The following BNC2 variants were observed in gnomAD, a reference collection of about 807,000 sequenced individuals.
BNC2 encodes the protein basonuclin zinc finger protein 2.
In BNC2, 20 loss-of-function variants were observed where a neutral mutation model predicts 76.3. That is an observed-to-expected ratio of 0.26 (90% CI 0.18 to 0.38). The LOEUF (loss-of-function observed/expected upper bound fraction) is 0.38. Among genes scored for constraint, BNC2 ranks in the 10% least tolerant of loss-of-function variants. BNC2 has a pLI of 1.00. For missense variants in BNC2, 1,382 were observed against 1,399.8 expected (o/e 0.99, Z 0.20); for synonymous variants, 582 against 514.8 (o/e 1.13, Z -1.77).
chr9:16,658,916 C>T (rs1048670935), intron 3 of BNC2, among the ~76,000 whole-genome samples: 3 of 152,154 alleles, frequency 2.0e-5, no homozygotes, highest in South Asian at 2.1e-4. Flanking sequence ...TGACAGTTTA[C>T]ATTGTCTTAA....
intron 5 of BNC2, among the ~76,000 whole-genome samples, chr9:16,445,601 T>A (rs959923281): frequency 3.9e-5 from 6 of 152,168 alleles, no homozygotes; most frequent in Non-Finnish European, 5.9e-5. Context: ...CCCTTTACCT[T>A]CAAAATACAA....
intron 3 of BNC2, among the ~76,000 whole-genome samples, chr9:16,671,039 C>T (rs927406944): frequency 4.9e-4 from 75 of 152,194 alleles, no homozygotes; most frequent in South Asian, 2.1e-4. Flanking sequence ...GACGGCCATA[C>T]GGATCAAGGG....
chr9:16,723,831 T>C (rs906771693), intron 3 of BNC2, among the ~76,000 whole-genome samples: 11 of 152,082 alleles, frequency 7.2e-5, no homozygotes, highest in Admixed American at 1.3e-4. Context: ...TCTCTGGTGA[T>C]AACTAACACA....
At chr9:16,539,802 A>G (rs1219257372) in intron 5 of BNC2, among the ~76,000 whole-genome samples, 9 of 143,532 alleles carry the variant, frequency 6.3e-5, no homozygotes, top group African/African-American at 1.3e-4. Context: ...AGGAAAGGAA[A>G]GGAAAGGAAA....
intron 5 of BNC2, among the ~76,000 whole-genome samples, chr9:16,507,250 C>CTTTT (rs36072200): frequency 3.1e-3 from 256 of 83,180 alleles, no homozygotes; most frequent in African/African-American, 3.7e-3. Context: ...TGTCCATTTG[C>CTTTT]TTTTTTTTTT....
At chr9:16,714,620 T>C (rs1269671443) in intron 3 of BNC2, among the ~76,000 whole-genome samples, 2 of 152,246 alleles carry the variant, frequency 1.3e-5, no homozygotes, top group Non-Finnish European at 2.9e-5. Context: ...CAACTTGTTA[T>C]GTTTAAAACA....
At chr9:16,554,067 C>G (rs569633968) in intron 4 of BNC2, among the ~76,000 whole-genome samples, 15 of 152,302 alleles carry the variant, frequency 9.8e-5, no homozygotes, top group African/African-American at 3.6e-4. Flanking sequence ...AGGCTCAAGT[C>G]ATAACTACAC....
chr9:16,865,856 G>C (rs894292509), intron 1 of BNC2, among the ~76,000 whole-genome samples: 1 of 152,088 alleles, frequency 6.6e-6, no homozygotes, highest in Non-Finnish European at 1.5e-5. Context: ...AATGGTAAAA[G>C]CATACTGAGA....
At chr9:16,849,749 GCTTTT>G (rs565403361) in intron 1 of BNC2, among the ~76,000 whole-genome samples, 3 of 151,904 alleles carry the variant, frequency 2.0e-5, no homozygotes, top group Non-Finnish European at 4.4e-5. Flanking sequence ...AAGCACTAAT[GCTTTT>G]CTTAATTGAT....
chr9:16,731,378 T>C (rs1437894917), intron 2 of BNC2, among the ~76,000 whole-genome samples: 2 of 152,206 alleles, frequency 1.3e-5, no homozygotes, highest in African/African-American at 4.8e-5. Flanking sequence ...ATGGAAATTA[T>C]GAAGTCCACC....
chr9:16,834,999 AC>A (rs1382108458), intron 1 of BNC2, among the ~76,000 whole-genome samples: 1 of 152,170 alleles, frequency 6.6e-6, no homozygotes, highest in African/African-American at 2.4e-5. Flanking sequence ...ATCCACGGGT[AC>A]TTAAGAAAAG....
intron 1 of BNC2, among the ~76,000 whole-genome samples, chr9:16,843,386 G>A (rs10756817): frequency 0.65 from 99,151 of 152,176 alleles, 33,929 homozygotes; most frequent in Non-Finnish European, 0.78. Flanking sequence ...CTGGAGTGCA[G>A]TGGCAAAAAT....
intron 1 of BNC2, among the ~76,000 whole-genome samples, chr9:16,863,674 G>A (rs903234018): frequency 2.6e-5 from 4 of 152,150 alleles, no homozygotes; most frequent in East Asian, 1.9e-4. Flanking sequence ...TAGTTTGGGC[G>A]ACAGAGCGAG....
At chr9:16,706,965 G>A (rs979527803) in intron 3 of BNC2, among the ~76,000 whole-genome samples, 7 of 152,202 alleles carry the variant, frequency 4.6e-5, no homozygotes, top group Non-Finnish European at 7.3e-5. Context: ...CACTTTGGGA[G>A]GCCGAGACGG....
At chr9:16,603,811 C>T (rs1348405473) in intron 3 of BNC2, among the ~76,000 whole-genome samples, 4 of 152,192 alleles carry the variant, frequency 2.6e-5, no homozygotes, top group Middle Eastern at 3.4e-3. Flanking sequence ...AAAATATACA[C>T]TTTTCTTTAA....
intron 4 of BNC2, among the ~76,000 whole-genome samples, chr9:16,562,336 C>T (rs1168070401): frequency 6.6e-6 from 1 of 152,190 alleles, no homozygotes; most frequent in East Asian, 1.9e-4. Flanking sequence ...TAGGAGGCGT[C>T]TTCACCTGGG....
chr9:16,798,260 G>A (rs1017851201), intron 1 of BNC2, among the ~76,000 whole-genome samples: 4 of 152,284 alleles, frequency 2.6e-5, no homozygotes, highest in Admixed American at 6.5e-5. Context: ...TATCTTTGAT[G>A]TCCCACCTTC....
intron 5 of BNC2, among the ~76,000 whole-genome samples, chr9:16,489,860 T>A (rs1822238413): frequency 1.3e-5 from 2 of 152,226 alleles, no homozygotes; most frequent in African/African-American, 4.8e-5. Context: ...CAGAACTTAC[T>A]ACTCAAAACT....
In BNC2 at chr9:16,846,810, T is replaced by C. The variant is rs544359216; in HGVS notation, c.3+23836A>G. ...CAGGTTTTCCATCAGCCACAATCTT[T>C]TGAAAACTTTGAGTAAAAAGAAATC... On this transcript the variant is annotated intron_variant, in intron 1 of 6. Transcript: ENST00000380672. Among the ~76,000 whole-genome samples the C allele has an allele frequency of 2.6e-5, 4 of 152,352 alleles. No homozygotes were observed. The South Asian group carries it at 8.3e-4, about 32-fold the overall frequency.
Sources: gnomAD v4.1 joint callset for allele counts (sites outside exome capture counted in the v4.1 genomes callset) on GRCh38, gnomAD v4.1.1 for gene constraint, MANE v1.5 for transcripts, NCBI Gene and HGNC (gene_info 2026-07-23, HGNC 2026-07-21) for gene names.